The following PIAS2 variants were observed in gnomAD, a reference collection of about 807,000 sequenced individuals.
PIAS2 encodes E3 SUMO-protein ligase PIAS2.
A neutral mutation model predicts 69.7 loss-of-function variants in PIAS2; 19 were observed. The ratio of observed to expected loss-of-function variants is 0.27; its 90% CI spans 0.19 to 0.40. PIAS2 has a LOEUF of 0.40. Among genes scored for constraint, PIAS2 ranks in the 10% least tolerant of loss-of-function variants. The pLI, the probability that PIAS2 is intolerant of heterozygous loss-of-function variation, is 1.00. For synonymous variants in PIAS2, 261 were observed against 263.2 expected (o/e 0.99, Z 0.08); for missense variants, 624 against 757.0 (o/e 0.82, Z 2.06).
chr18:46,813,989 C>T (rs2041246288), intron 13 of PIAS2, among the ~76,000 whole-genome samples: 1 of 152,058 alleles, frequency 6.6e-6, no homozygotes, highest in African/African-American at 2.4e-5. Context: ...GAACAAAGCC[C>T]AGAAACTTAC....
chr18:46,818,228 G>A (rs968798285), intron 12 of PIAS2: 14 of 1,222,984 alleles, frequency 1.1e-5, no homozygotes, highest in Non-Finnish European at 1.4e-5. Context: ...ATATGTAAAT[G>A]TTTAGCACTT....
intron 9 of PIAS2, among the ~76,000 whole-genome samples, chr18:46,834,777 A>G (rs1468456123): frequency 6.6e-6 from 1 of 152,184 alleles, no homozygotes; most frequent in Non-Finnish European, 1.5e-5. Context: ...ACCACACCCA[A>G]GAGTAGACAT....
chr18:46,822,670 G>A (rs151140858), intron 11 of PIAS2, among the ~76,000 whole-genome samples: 4 of 152,188 alleles, frequency 2.6e-5, no homozygotes, highest in East Asian at 1.9e-4. Context: ...GGGATCAAAC[G>A]AACAGGACAT....
At chr18:46,877,601 C>G (rs1329345717) in intron 2 of PIAS2, among the ~76,000 whole-genome samples, 1 of 152,196 alleles carries the variant, frequency 6.6e-6, no homozygotes, top group Admixed American at 6.5e-5. Flanking sequence ...ACAGCCTCCC[C>G]CTTCCTACCT....
chr18:46,843,991 T>C (rs908000065), intron 8 of PIAS2, 63 bp downstream of exon 8: 3 of 933,962 alleles, frequency 3.2e-6, no homozygotes, highest in Non-Finnish European at 4.9e-6. Context: ...CACTTACTTT[T>C]ATAGGAAAGT....
chr18:46,892,339 A>G (rs2054191185), intron 1 of PIAS2, among the ~76,000 whole-genome samples: 1 of 152,196 alleles, frequency 6.6e-6, no homozygotes, highest in South Asian at 2.1e-4. Flanking sequence ...TGTGTACTAT[A>G]TATGTCTCTA....
chr18:46,906,834 C>A (rs1386824796), intron 1 of PIAS2, among the ~76,000 whole-genome samples: 1 of 146,516 alleles, frequency 6.8e-6, no homozygotes, highest in Non-Finnish European at 1.5e-5. Flanking sequence ...GAGAAGCAAA[C>A]AATCAAGAAG....
intron 9 of PIAS2, among the ~76,000 whole-genome samples, chr18:46,830,251 G>A (rs574083197): frequency 8.6e-4 from 130 of 152,002 alleles, no homozygotes; most frequent in African/African-American, 3.0e-3. Flanking sequence ...CTTTAACTTC[G>A]AGAAAAAAGG....
chr18:46,849,986 C>G (rs1296369573), intron 5 of PIAS2, among the ~76,000 whole-genome samples: 1 of 152,158 alleles, frequency 6.6e-6, no homozygotes, highest in Non-Finnish European at 1.5e-5. Flanking sequence ...AGCATTACAA[C>G]CCCACAAAAA....
At position 46,917,372 on chromosome 18, in the gene PIAS2, C is replaced by T. The variant is rs1224915292; in HGVS notation, c.-27G>A. On this transcript the variant is annotated 5_prime_UTR_variant, in exon 1 of 14. Transcript: ENST00000585916. Reference sequence around the variant, plus strand: ...TTATACCACCCGCGGGCGCCGCCGCCGCTGCCGCCGCACCCACTCCCGCTG... The same window carrying T: ...TTATACCACCCGCGGGCGCCGCCGCTGCTGCCGCCGCACCCACTCCCGCTG... 1.3e-5 allele frequency: 19 copies of T among 1,453,526 alleles called. No individual in the cohort carries two copies. The highest frequency in any genetic ancestry group is 3.2e-5 in the East Asian group (1 of 31,698). 90.0% of individuals were successfully genotyped at this position (1,453,526 alleles called of 1,614,324 possible). A position where few individuals can be genotyped will look rare whatever the true frequency, so the allele number is the denominator to read the frequency against.
chr18:46,816,679 G>T lies in PIAS2; in HGVS notation c.1649-1330C>A, dbSNP rs76114348. ...GAGAGGGTCTCGCTATGTTGCCTAGGTTGGTTTTGAACTCCAGAGCTCAAG... is the reference window on the plus strand; with the variant it reads ...GAGAGGGTCTCGCTATGTTGCCTAGTTTGGTTTTGAACTCCAGAGCTCAAG... On this transcript the variant is annotated intron_variant, in intron 12 of 13. Coordinates refer to ENST00000585916, the MANE Select transcript of PIAS2 (RefSeq NM_004671.5). The T allele has an allele frequency of 7.4e-3, 2,690 of 361,468 alleles. 152 individuals carry two copies. In the East Asian group the frequency reaches 0.21, roughly 29 times the overall value. 22.4% of individuals were successfully genotyped at this position (361,468 alleles called of 1,614,324 possible). A position where few individuals can be genotyped will look rare whatever the true frequency, so the allele number is the denominator to read the frequency against.
At chr18:46,844,220 T>C in intron 7 of PIAS2, 93 bp from the exon 8 acceptor site, 3 of 515,280 alleles carry the variant, frequency 5.8e-6, no homozygotes, top group Non-Finnish European at 1.0e-5. Flanking sequence ...AAACAAAATG[T>C]TACATATTAA....
chr18:46,827,998 C>A lies in PIAS2; in HGVS notation c.1469G>T (p.Cys490Phe). Reference protein sequence around the residue: ...EEEDPPAKRKCIFMSETQSSP... With the variant: ...EEEDPPAKRKFIFMSETQSSP... ...GCTTTGTGTTTCTGACATAAAGATG[C>A]ATTTCCTTTTGGCAGGAGGGTCTTC... is the stretch of plus-strand genomic sequence containing the variant. Residue 490 changes from cysteine (C) to phenylalanine (F), a missense_variant, in exon 11 of 14, where the codon TGC becomes TTC. Physicochemically the swap from Cys to Phe is radical, Grantham distance 205. Around this residue, in one of 3 missense-constraint regions of PIAS2, gnomAD observed 241 missense variants for 257.3 expected, o/e 0.94. Transcript: ENST00000585916. The A allele has an allele frequency of 6.2e-7, 1 of 1,613,804 alleles. No individual in the cohort carries two copies. Among genetic ancestry groups the A allele is most frequent in the Non-Finnish European group, 8.5e-7 (1 of 1,179,818 alleles).
intron 2 of PIAS2, among the ~76,000 whole-genome samples, chr18:46,872,085 C>T (rs1024918367): frequency 2.6e-5 from 4 of 152,124 alleles, no homozygotes; most frequent in Non-Finnish European, 4.4e-5. Flanking sequence ...AACCTGTAGT[C>T]GAAGGTCTCA....
chr18:46,822,553 A>C (rs982238360), intron 11 of PIAS2, among the ~76,000 whole-genome samples: 2 of 152,190 alleles, frequency 1.3e-5, no homozygotes, highest in Non-Finnish European at 2.9e-5. Flanking sequence ...GCAATGTTAG[A>C]AAAGGCAGAC....
intron 1 of PIAS2, among the ~76,000 whole-genome samples, chr18:46,912,217 G>A (rs2057347857): frequency 6.6e-6 from 1 of 152,154 alleles, no homozygotes; most frequent in Admixed American, 6.5e-5. Context: ...GTAGGGGGCT[G>A]GTACCAGGGT....
chr18:46,915,377 C>A (rs1383005274), intron 1 of PIAS2: 1 of 152,126 alleles, frequency 6.6e-6, no homozygotes, highest in African/African-American at 2.4e-5. Context: ...TGTAGGGTAA[C>A]ATGGGTCTGC....
intron 11 of PIAS2, chr18:46,826,698 C>T (rs1280721959): frequency 6.6e-6 from 1 of 152,058 alleles, no homozygotes; most frequent in Non-Finnish European, 1.5e-5. Flanking sequence ...GGAAAAAATC[C>T]ACTTGAAATA....
intron 11 of PIAS2, among the ~76,000 whole-genome samples, chr18:46,825,368 C>T (rs965763920): frequency 1.3e-5 from 2 of 152,168 alleles, no homozygotes; most frequent in African/African-American, 4.8e-5. Flanking sequence ...TCAGAAAGCT[C>T]CAATAGAAAG....
Sources: gnomAD v4.1 joint callset for allele counts (sites outside exome capture counted in the v4.1 genomes callset) on GRCh38, gnomAD v4.1.1 for gene constraint, gnomAD v4.1.1 regional missense constraint, MANE v1.5 for transcripts, NCBI Gene and HGNC (gene_info 2026-07-23, HGNC 2026-07-21) for gene names.